TP63: variants seen among roughly 807,000 people sequenced by gnomAD.
TP63 encodes tumor protein 63.
TP63 carries 17 observed loss-of-function variants against 82.8 expected under a neutral mutation model. The observed-to-expected ratio is 0.21, with a 90% CI of 0.14 to 0.31. TP63 has a LOEUF of 0.31. Ranked by LOEUF, TP63 falls within the 10% of genes least tolerant of loss-of-function variation. TP63 has a pLI of 1.00. For synonymous variants in TP63, 330 were observed against 321.7 expected (o/e 1.03, Z -0.28); for missense variants, 648 against 895.3 (o/e 0.72, Z 3.52).
chr3:189,867,289 C>G (rs79472829), intron 6 of TP63, among the ~76,000 whole-genome samples: 1 of 152,146 alleles, frequency 6.6e-6, no homozygotes, highest in Admixed American at 6.5e-5. Flanking sequence ...GGTTTGCTGG[C>G]TTGCTGTGTG....
intron 1 of TP63, among the ~76,000 whole-genome samples, chr3:189,719,742 A>G (rs1719239690): frequency 2.0e-5 from 3 of 152,174 alleles, no homozygotes; most frequent in South Asian, 2.1e-4. Context: ...TCCCTATTTC[A>G]GAGAGTCTTC....
In TP63 at chr3:189,866,663, AT is replaced by A. The variant is rs1480584209; in HGVS notation, c.767-17del. Reference sequence around the variant, plus strand: ...TTTAAGGTAAAGAACTAACTCTTTTATTGTTTTCTGCTCTGCAGGACAGATT... The same window carrying A: ...TTTAAGGTAAAGAACTAACTCTTTTATGTTTTCTGCTCTGCAGGACAGATT... On this transcript the variant is annotated intron_variant, in intron 5 of 13. Coordinates refer to ENST00000264731, the MANE Select transcript of TP63 (RefSeq NM_003722.5). 3 of 1,606,490 alleles carry A rather than the reference AT, an allele frequency of 1.9e-6. No homozygotes were observed. Among genetic ancestry groups the A allele is most frequent in the Non-Finnish European group, 2.6e-6 (3 of 1,173,354 alleles).
chr3:189,762,227 G>A (rs573734068), intron 3 of TP63, among the ~76,000 whole-genome samples: 38 of 152,318 alleles, frequency 2.5e-4, no homozygotes, highest in Admixed American at 1.1e-3. Context: ...AAGGCTGCCT[G>A]TTAGGGCCAC....
intron 3 of TP63, among the ~76,000 whole-genome samples, chr3:189,773,373 G>A (rs1402282047): frequency 6.6e-6 from 1 of 152,120 alleles, no homozygotes; most frequent in Non-Finnish European, 1.5e-5. Flanking sequence ...ACAGCTTCAG[G>A]CCATTGTGGC....
intron 1 of TP63, among the ~76,000 whole-genome samples, chr3:189,694,650 A>G (rs1230013286): frequency 1.3e-5 from 2 of 152,040 alleles, no homozygotes; most frequent in East Asian, 1.9e-4. Context: ...GGTACATACT[A>G]TCAACATGAA....
At chr3:189,866,863 C>A in intron 6 of TP63, 66 bp downstream of exon 6, 1 of 1,274,254 alleles carries the variant, frequency 7.8e-7, no homozygotes, top group Non-Finnish European at 1.1e-6. Flanking sequence ...GAGAGAACAT[C>A]TGTTTCAGCA....
intron 3 of TP63, among the ~76,000 whole-genome samples, chr3:189,794,299 C>A (rs1233527169): frequency 1.3e-5 from 2 of 151,770 alleles, no homozygotes; most frequent in African/African-American, 4.8e-5. Flanking sequence ...GTTTATAGTT[C>A]TTTGGGGGAA....
chr3:189,707,589 C>G (rs1223059848), intron 1 of TP63, among the ~76,000 whole-genome samples: 2 of 152,104 alleles, frequency 1.3e-5, no homozygotes, highest in Non-Finnish European at 2.9e-5. Context: ...CAAATTTTTG[C>G]TCTTTTACAT....
At chr3:189,772,911 T>TA (rs1187318222) in intron 3 of TP63, among the ~76,000 whole-genome samples, 1 of 152,168 alleles carries the variant, frequency 6.6e-6, no homozygotes, top group Non-Finnish European at 1.5e-5. Context: ...ACTTTGCACT[T>TA]AGTGTCTTTT....
chr3:189,716,302 C>A (rs1307305623), intron 1 of TP63, among the ~76,000 whole-genome samples: 1 of 152,074 alleles, frequency 6.6e-6, no homozygotes, highest in Non-Finnish European at 1.5e-5. Context: ...AGATCAAACC[C>A]CAGGGGATAG....
intron 3 of TP63, among the ~76,000 whole-genome samples, chr3:189,771,357 AT>A (rs1223842900): frequency 1.6e-5 from 2 of 125,646 alleles, no homozygotes; most frequent in East Asian, 3.9e-4. Context: ...AATATATTAA[AT>A]ATATAATATA....
intron 4 of TP63, among the ~76,000 whole-genome samples, chr3:189,821,777 T>G (rs2108676253): frequency 6.6e-6 from 1 of 152,346 alleles, no homozygotes. Context: ...TTATCTTCTT[T>G]CCATAAGTTC....
intron 3 of TP63, among the ~76,000 whole-genome samples, chr3:189,789,227 A>C (rs1425154974): frequency 6.6e-6 from 1 of 152,058 alleles, no homozygotes; most frequent in African/African-American, 2.4e-5. Flanking sequence ...CCTAATTTCT[A>C]ACTTTGTGTA....
chr3:189,669,666 G>A (rs1253324328), intron 1 of TP63, among the ~76,000 whole-genome samples: 1 of 152,010 alleles, frequency 6.6e-6, no homozygotes, highest in Non-Finnish European at 1.5e-5. Flanking sequence ...TTGGAAAATG[G>A]GCTCTGAGGC....
chr3:189,609,288 A>C, the TP63 span, among the ~76,000 whole-genome samples: 2 of 152,170 alleles, frequency 1.3e-5, no homozygotes, highest in Non-Finnish European at 2.9e-5. Context: ...TTCTCCTGAA[A>C]AACGGTAATA....
In TP63 at chr3:189,738,794, T is replaced by C. The variant is rs773207708; in HGVS notation, c.324+20T>C. On this transcript the variant is annotated intron_variant, in intron 3 of 13. Transcript: ENST00000264731. ...ATGTGGGTGAGTGGCACAGGCTTTC[T>C]CTTCAGTCTTTGGGCCATGCTATCT... is the stretch of plus-strand genomic sequence containing the variant. The C allele has an allele frequency of 3.1e-6, 5 of 1,613,590 alleles. No homozygotes were observed. In the South Asian group the frequency reaches 4.4e-5, roughly 14 times the overall value.
intron 3 of TP63, among the ~76,000 whole-genome samples, chr3:189,782,979 A>G (rs1199323034): frequency 6.6e-6 from 1 of 152,048 alleles, no homozygotes; most frequent in Non-Finnish European, 1.5e-5. Flanking sequence ...AAATTAATGT[A>G]TCTATCAGGC....
At chr3:189,791,025 G>T (rs1183586819) in intron 3 of TP63, among the ~76,000 whole-genome samples, 1 of 152,130 alleles carries the variant, frequency 6.6e-6, no homozygotes, top group Non-Finnish European at 1.5e-5. Context: ...AAGCAGGCTT[G>T]CTTGTCCTCA....
Position 189,633,072 on chromosome 3 carries a change from A to G in TP63, c.62+1495A>G, listed in dbSNP as rs527519477. On this transcript the variant is annotated intron_variant, in intron 1 of 13. Coordinates refer to ENST00000264731, the MANE Select transcript of TP63 (RefSeq NM_003722.5). ...TTCAATCCTGCATACATACCTCTCT[A>G]GAAGCATTTCTAATGATAAGAGAGG... is the stretch of plus-strand genomic sequence containing the variant. Among the ~76,000 whole-genome samples, 67 of 152,180 alleles carry G rather than the reference A, an allele frequency of 4.4e-4. 1 individual carries two copies. The highest frequency in any genetic ancestry group is 1.6e-3 in the African/African-American group (65 of 41,544).
Sources: gnomAD v4.1 joint callset for allele counts (sites outside exome capture counted in the v4.1 genomes callset) on GRCh38, gnomAD v4.1.1 for gene constraint, MANE v1.5 for transcripts, NCBI Gene and HGNC (gene_info 2026-07-23, HGNC 2026-07-21) for gene names.